PLXNA1: variants seen among roughly 807,000 people sequenced by gnomAD.
PLXNA1 encodes the protein plexin A1, also known as plexin-A1.
PLXNA1 carries 77 observed loss-of-function variants against 191.7 expected under a neutral mutation model. The ratio of observed to expected loss-of-function variants is 0.40; its 90% confidence interval spans 0.33 to 0.49. PLXNA1 has a LOEUF of 0.49. PLXNA1 is among the 20% of genes least tolerant of loss of function. The probability of loss-of-function intolerance (pLI) is 0.63; values close to 1 mark genes in which losing one functional copy is unlikely to be tolerated. For synonymous variants in PLXNA1, 1,137 were observed against 1,156.4 expected (o/e 0.98, Z 0.34); for missense variants, 2,110 against 2,660.2 (o/e 0.79, Z 4.55).
Position 127,003,398 on chromosome 3 carries a change from G to A in PLXNA1, c.1446G>A (p.Glu482=), listed in dbSNP as rs61747123. The change falls in exon 4 of 32, where the codon GAG becomes GAA. Residue 482 remains glutamate (E), a synonymous_variant. Transcript: ENST00000393409. Reference sequence around the variant, plus strand: ...CCTACGAGAGCGTCGTGGCCCAGGAGGGCAGCCCCATCCTGCGAGACCTCG... The same window carrying A: ...CCTACGAGAGCGTCGTGGCCCAGGAAGGCAGCCCCATCCTGCGAGACCTCG... ...ALAYESVVAQ[E]GSPILRDLVL... The A allele has an allele frequency of 3.1e-6, 5 of 1,612,256 alleles. No individual in the cohort carries two copies. Among genetic ancestry groups the A allele is most frequent in the Non-Finnish European group, 4.2e-6 (5 of 1,179,562 alleles).
intron 17 of PLXNA1, 87 bp from the exon 18 acceptor site, chr3:127,017,338 G>A: frequency 6.6e-7 from 1 of 1,509,394 alleles, no homozygotes; most frequent in African/African-American, 1.4e-5. Flanking sequence ...CAGGGAGCAG[G>A]CAGCCCCCAG....
intron 3 of PLXNA1, among the ~76,000 whole-genome samples, chr3:126,998,005 A>G (rs753372846): frequency 1.3e-5 from 2 of 152,068 alleles, no homozygotes; most frequent in Admixed American, 6.5e-5. Context: ...TGTGGTCCCA[A>G]CCACAGCAGA....
At position 126,989,344 on chromosome 3, in the gene PLXNA1, C is replaced by T. The variant is rs767366389; in HGVS notation, c.751C>T (p.Arg251Cys). The part of the protein sequence containing the change: ...AFDIYYVYSF[R>C]SEQFVYYLTL... Reference sequence around the variant, plus strand: ...TGACATCTACTATGTGTACAGCTTCCGCAGCGAGCAGTTTGTCTACTACCT... The same window carrying T: ...TGACATCTACTATGTGTACAGCTTCTGCAGCGAGCAGTTTGTCTACTACCT... The change falls in exon 2 of 32, where the codon CGC (arginine) becomes TGC (cysteine). Residue 251 changes from arginine (R) to cysteine (C), a missense_variant. Transcript: ENST00000393409. 20 of 1,613,538 alleles carry T rather than the reference C, an allele frequency of 1.2e-5. No individual in the cohort carries two copies. The highest frequency in any genetic ancestry group is 5.5e-5 in the South Asian group (5 of 91,094).
At chr3:126,995,193 GT>G (rs1459364337) in intron 3 of PLXNA1, among the ~76,000 whole-genome samples, 1 of 152,182 alleles carries the variant, frequency 6.6e-6, no homozygotes, top group Admixed American at 6.5e-5. Flanking sequence ...GGGTGCCCCT[GT>G]CCCCCCTCCT....
chr3:127,015,386 C>T, intron 15 of PLXNA1, 66 bp downstream of exon 15: 1 of 1,545,326 alleles, frequency 6.5e-7, no homozygotes, highest in Non-Finnish European at 8.7e-7. Context: ...GTTGCATGCC[C>T]CTTCTTGTTG....
In PLXNA1 at chr3:127,037,136, G is replaced by A. The variant is rs1412568469; in HGVS notation, c.*3119G>A. 2.0e-5 allele frequency: 3 copies of A among 152,734 alleles called. No homozygotes were observed. The highest frequency in any genetic ancestry group is 1.9e-4 in the East Asian group (1 of 5,186). The allele number at this position is 152,734 out of a possible 1,614,324, so 9.5% of individuals were successfully genotyped here. On this transcript the variant is annotated 3_prime_UTR_variant, in exon 32 of 32. Transcript: ENST00000393409. ...GCTAGAATAGATATATTTAGAGAGAGAGATATTTTTAAGACAAAGCCCACA... is the reference window on the plus strand; with the variant it reads ...GCTAGAATAGATATATTTAGAGAGAAAGATATTTTTAAGACAAAGCCCACA...
At chr3:126,993,938 T>C (rs1240131374) in intron 3 of PLXNA1, among the ~76,000 whole-genome samples, 4 of 152,156 alleles carry the variant, frequency 2.6e-5, no homozygotes, top group African/African-American at 7.2e-5. Flanking sequence ...CTGCATGTCA[T>C]TGTGGGTCCC....
intron 21 of PLXNA1, among the ~76,000 whole-genome samples, chr3:127,020,570 G>A (rs1218940805): frequency 6.6e-6 from 1 of 152,182 alleles, no homozygotes; most frequent in Non-Finnish European, 1.5e-5. Context: ...GTTGGGGCAG[G>A]GGAATGGCCA....
chr3:127,030,248 A>T lies in PLXNA1; in HGVS notation c.5067A>T (p.Thr1689=). ...YLTRLLATKG[T]LQKFVDDLFE... ...TCCCTGCCTGCCCCCCGCAGGGCAC[A>T]CTGCAGAAGTTTGTGGACGACCTGT... The change falls in exon 29 of 32, where the codon ACA becomes ACT. Residue 1689 remains threonine, a synonymous_variant. Coordinates refer to ENST00000393409, the MANE Select transcript of PLXNA1 (RefSeq NM_032242.4). 2 of 1,613,406 alleles carry T rather than the reference A, an allele frequency of 1.2e-6. No homozygotes were observed. The highest frequency in any genetic ancestry group is 1.1e-5 in the South Asian group (1 of 91,066).
At position 127,023,295 on chromosome 3, in the gene PLXNA1, A is replaced by G. The variant is rs567304907; in HGVS notation, c.4362+477A>G. On this transcript the variant is annotated intron_variant, in intron 23 of 31. Coordinates refer to ENST00000393409, the MANE Select transcript of PLXNA1 (RefSeq NM_032242.4). ...AACAGGAACAGGGTGTAGGCCAGAG[A>G]CTGCAGGCCAGGGCCCAGGCTGGAT... 8.5e-5 allele frequency among the ~76,000 whole-genome samples: 13 copies of G among 152,264 alleles called. 1 individual carries two copies. In the South Asian group the frequency reaches 2.7e-3, roughly 32 times the overall value.
rs2079050951 is a variant in PLXNA1, at chr3:127,003,488, C to T, written c.1518+18C>T. 6.9e-6 allele frequency: 11 copies of T among 1,583,656 alleles called. No individual in the cohort carries two copies. The highest frequency in any genetic ancestry group is 9.5e-6 in the Non-Finnish European group (11 of 1,159,318). On this transcript the variant is annotated intron_variant, in intron 4 of 31. Transcript: ENST00000393409. ...AGAAGCAGGTGGGTGCTGCACCAGTCAGACGGTGTGGCTGAAGGTGGGGGC... is the reference window on the plus strand; with the variant it reads ...AGAAGCAGGTGGGTGCTGCACCAGTTAGACGGTGTGGCTGAAGGTGGGGGC...
chr3:127,033,416 CAGGGCAGGTGCAGCAGAGGCA>C (rs2079222731), intron 31 of PLXNA1, among the ~76,000 whole-genome samples: 1 of 152,184 alleles, frequency 6.6e-6, no homozygotes, highest in South Asian at 2.1e-4. Context: ...CTGGGGAGGC[CAGGGCAGGTGCAGCAGAGGCA>C]AGGAACCTTC....
chr3:127,000,364 G>A (rs2079033959), intron 3 of PLXNA1, among the ~76,000 whole-genome samples: 1 of 152,098 alleles, frequency 6.6e-6, no homozygotes, highest in Non-Finnish European at 1.5e-5. Flanking sequence ...CCTCGAGGGT[G>A]GGCTGCCTCC....
At chr3:126,999,711 G>C (rs1379139626) in intron 3 of PLXNA1, among the ~76,000 whole-genome samples, 4 of 152,144 alleles carry the variant, frequency 2.6e-5, no homozygotes, top group Non-Finnish European at 2.9e-5. Context: ...GGTACAGCCA[G>C]CAGGGCCAGC....
chr3:127,015,743 A>G (rs894827372), intron 15 of PLXNA1, among the ~76,000 whole-genome samples: 3 of 152,348 alleles, frequency 2.0e-5, no homozygotes, highest in Admixed American at 1.3e-4. Flanking sequence ...ACCCGTTATC[A>G]GACTAATCAT....
In PLXNA1 at chr3:127,001,787, C is replaced by A. The variant is rs1430351559; in HGVS notation, c.1378-1543C>A. 4.6e-5 allele frequency among the ~76,000 whole-genome samples: 7 copies of A among 152,224 alleles called. No individual in the cohort carries two copies. The South Asian group carries it at 1.0e-3, about 22-fold the overall frequency. On this transcript the variant is annotated intron_variant, in intron 3 of 31. Coordinates refer to ENST00000393409, the MANE Select transcript of PLXNA1 (RefSeq NM_032242.4). ...CCCTGCTCCCGCCTGGCACACCTGGCCTGGTTCTCATATAATCCTCAGAAC... is the reference window on the plus strand; with the variant it reads ...CCCTGCTCCCGCCTGGCACACCTGGACTGGTTCTCATATAATCCTCAGAAC...
intron 3 of PLXNA1, among the ~76,000 whole-genome samples, chr3:126,994,942 C>G (rs534300885): frequency 2.0e-4 from 31 of 152,062 alleles, no homozygotes; most frequent in African/African-American, 7.2e-4. Context: ...CTCCTGCCTT[C>G]TTCACTTGGT....
chr3:127,020,826 G>A (rs1252376948), intron 21 of PLXNA1, among the ~76,000 whole-genome samples: 1 of 152,232 alleles, frequency 6.6e-6, no homozygotes, highest in Non-Finnish European at 1.5e-5. Context: ...TGGGAGGTGC[G>A]GGTGCCTGAT....
chr3:127,018,557 A>G, intron 20 of PLXNA1, 29 bp downstream of exon 20: 1 of 1,561,546 alleles, frequency 6.4e-7, no homozygotes, highest in Non-Finnish European at 8.8e-7. Context: ...TCACTGGGGC[A>G]ACTGCCACCT....
Sources: allele counts gnomAD v4.1 joint callset (sites outside exome capture counted in the v4.1 genomes callset), GRCh38; gene constraint gnomAD v4.1.1; transcripts MANE v1.5; gene names NCBI Gene and HGNC (gene_info 2026-07-23, HGNC 2026-07-21).